Variants in PPP2R2C observed in about 807,000 individuals in gnomAD.
The protein encoded by PPP2R2C is protein phosphatase 2, regulatory subunit B, gamma.
In PPP2R2C, 10 loss-of-function variants were observed where a neutral mutation model predicts 45.3. The ratio of observed to expected loss-of-function variants is 0.22; its 90% CI spans 0.14 to 0.37. PPP2R2C has a LOEUF of 0.37. Among genes scored for constraint, PPP2R2C ranks in the 10% least tolerant of loss-of-function variants. The pLI is 1.00. For missense variants in PPP2R2C, 308 were observed against 619.7 expected, an observed-to-expected ratio of 0.50 and a Z score of 5.34; for synonymous variants, 257 against 245.4, an observed-to-expected ratio of 1.05 and a Z score of -0.44.
At chr4:6,555,546 G>T (rs1478115990) in intron 1 of PPP2R2C, 2 of 152,282 alleles carry the variant, frequency 1.3e-5, no homozygotes, top group East Asian at 1.9e-4. Context: ...GCTGTGTGTT[G>T]TCTGGAGGCC....
At chr4:6,420,221 C>T (rs773482144) in intron 1 of PPP2R2C, among the ~76,000 whole-genome samples, 4 of 152,198 alleles carry the variant, frequency 2.6e-5, no homozygotes, top group African/African-American at 7.2e-5. Flanking sequence ...GGCTGTGCAA[C>T]GACAGGAGGC....
chr4:6,413,343 C>T (rs989262057), intron 1 of PPP2R2C, among the ~76,000 whole-genome samples: 1 of 152,258 alleles, frequency 6.6e-6, no homozygotes, highest in Non-Finnish European at 1.5e-5. Context: ...GACACACTCT[C>T]ATACTCGTGC....
intron 5 of PPP2R2C, among the ~76,000 whole-genome samples, chr4:6,362,232 G>C (rs1039383406): frequency 6.6e-6 from 1 of 152,172 alleles, no homozygotes; most frequent in Admixed American, 6.5e-5. Context: ...GCTCCAGGGT[G>C]ATGGAGTATG....
intron 2 of PPP2R2C, among the ~76,000 whole-genome samples, chr4:6,534,244 TACAC>T (rs977461602): frequency 1.9e-5 from 2 of 103,554 alleles, no homozygotes; most frequent in Admixed American, 2.0e-4. Flanking sequence ...CCAACACACA[TACAC>T]ACACAGTAAG....
intron 2 of PPP2R2C, among the ~76,000 whole-genome samples, chr4:6,526,624 C>T (rs969382887): frequency 5.9e-5 from 9 of 152,046 alleles, no homozygotes; most frequent in African/African-American, 1.9e-4. Flanking sequence ...CCCTGGGCAG[C>T]GAGAATGTCC....
Position 6,372,564 on chromosome 4 carries a change from C to G in PPP2R2C, c.584G>C (p.Arg195Pro), listed in dbSNP as rs778929388. The G allele has an allele frequency of 6.2e-7, 1 of 1,614,036 alleles. No individual in the cohort carries two copies. Among genetic ancestry groups the G allele is most frequent in the African/African-American group, 1.3e-5 (1 of 74,910 alleles). The change falls in exon 5 of 9, where the codon CGC becomes CCC. Residue 195 changes from arginine (R) to proline (P), a missense_variant. Physicochemically the swap from Arg to Pro is moderately radical, Grantham distance 103 (BLOSUM62 -2). Transcript: ENST00000382599. Reference protein sequence around the residue: ...CETYMSADDLRINLWHLAITD... With the variant: ...CETYMSADDLPINLWHLAITD... Reference sequence around the variant, plus strand: ...GATGGCCAGGTGCCAGAGGTTGATGCGCAGGTCATCCGCCGACATGTAGGT... The same window carrying G: ...GATGGCCAGGTGCCAGAGGTTGATGGGCAGGTCATCCGCCGACATGTAGGT...
At chr4:6,346,055 G>A (rs1711881430) in intron 6 of PPP2R2C, among the ~76,000 whole-genome samples, 1 of 152,142 alleles carries the variant, frequency 6.6e-6, no homozygotes, top group African/African-American at 2.4e-5. Flanking sequence ...ACAGAGTCAC[G>A]CCCCACAAGG....
intron 1 of PPP2R2C, among the ~76,000 whole-genome samples, chr4:6,466,948 CA>C (rs1160679267): frequency 1.3e-5 from 2 of 152,170 alleles, no homozygotes; most frequent in Non-Finnish European, 2.9e-5. Context: ...GGGAAATTGA[CA>C]GCAGTCGCCT....
At chr4:6,553,431 ACT>A (rs1725250979) in intron 1 of PPP2R2C, among the ~76,000 whole-genome samples, 1 of 152,078 alleles carries the variant, frequency 6.6e-6, no homozygotes, top group Non-Finnish European at 1.5e-5. Flanking sequence ...CCGGGAAGAA[ACT>A]CTCAGCCCAA....
chr4:6,493,489 G>A (rs1013686829), intron 2 of PPP2R2C, among the ~76,000 whole-genome samples: 11 of 151,584 alleles, frequency 7.3e-5, no homozygotes, highest in African/African-American at 1.7e-4. Flanking sequence ...TGGGAGTTGT[G>A]TGCAACATAA....
At chr4:6,546,497 C>T (rs1356511412) in intron 1 of PPP2R2C, among the ~76,000 whole-genome samples, 1 of 152,162 alleles carries the variant, frequency 6.6e-6, no homozygotes, top group East Asian at 1.9e-4. Flanking sequence ...AATCAAGGCT[C>T]AGGGATGTGC....
chr4:6,408,422 C>T (rs1717942837), intron 1 of PPP2R2C, among the ~76,000 whole-genome samples: 1 of 152,166 alleles, frequency 6.6e-6, no homozygotes, highest in Admixed American at 6.5e-5. Flanking sequence ...GGTAGCCACA[C>T]CCTCCTAGAG....
At chr4:6,539,174 C>T (rs1724728145) in intron 1 of PPP2R2C, among the ~76,000 whole-genome samples, 1 of 151,456 alleles carries the variant, frequency 6.6e-6, no homozygotes. Flanking sequence ...GAAATTTGGA[C>T]ACACAGACAC....
intron 1 of PPP2R2C, among the ~76,000 whole-genome samples, chr4:6,419,514 TCTA>T (rs1718826519): frequency 6.6e-6 from 1 of 151,944 alleles, no homozygotes; most frequent in Non-Finnish European, 1.5e-5. Flanking sequence ...GTCTAAAATA[TCTA>T]CTATCAGGCC....
intron 2 of PPP2R2C, among the ~76,000 whole-genome samples, chr4:6,484,765 G>A (rs752994589): frequency 6.6e-6 from 1 of 151,784 alleles, no homozygotes; most frequent in East Asian, 1.9e-4. Flanking sequence ...CTTCTATTCT[G>A]ATTGAGCTTG....
chr4:6,404,201 C>T (rs1717636953), intron 1 of PPP2R2C, among the ~76,000 whole-genome samples: 1 of 152,134 alleles, frequency 6.6e-6, no homozygotes, highest in Admixed American at 6.5e-5. Flanking sequence ...CTCCTTGGGA[C>T]AGGAAAGGTC....
chr4:6,344,320 C>T (rs1032361033), intron 6 of PPP2R2C, among the ~76,000 whole-genome samples: 4 of 152,224 alleles, frequency 2.6e-5, no homozygotes, highest in Non-Finnish European at 4.4e-5. Flanking sequence ...ATATTTCTCG[C>T]ACTGTTGAGT....
intron 1 of PPP2R2C, among the ~76,000 whole-genome samples, chr4:6,423,357 C>T (rs1719095910): frequency 6.6e-6 from 1 of 152,204 alleles, no homozygotes; most frequent in Non-Finnish European, 1.5e-5. Flanking sequence ...GTGCACACCA[C>T]CACGCCCAGC....
intron 1 of PPP2R2C, among the ~76,000 whole-genome samples, chr4:6,445,624 C>T (rs982878825): frequency 6.6e-6 from 1 of 152,230 alleles, no homozygotes; most frequent in Non-Finnish European, 1.5e-5. Flanking sequence ...GAGGCCCCGG[C>T]AGGGGGATCA....
Sources: gnomAD v4.1 joint callset for allele counts (sites outside exome capture counted in the v4.1 genomes callset) on GRCh38, gnomAD v4.1.1 for gene constraint, MANE v1.5 for transcripts, NCBI Gene and HGNC (gene_info 2026-07-23, HGNC 2026-07-21) for gene names.